Variants in CFTR observed in about 807,000 individuals in gnomAD.
The protein encoded by CFTR is cystic fibrosis transmembrane conductance regulator.
In CFTR, 181 loss-of-function variants were observed where a neutral mutation model predicts 171.6. That is an observed-to-expected ratio of 1.05 (90% CI 0.93 to 1.19). CFTR has a LOEUF of 1.19. Ranked by LOEUF, CFTR falls within the 50% of genes most tolerant of loss-of-function variation. The probability of loss-of-function intolerance (pLI) is 0.00; values close to 1 mark genes in which losing one functional copy is unlikely to be tolerated. For missense variants in CFTR, 1,968 were observed against 1,734.7 expected, an observed-to-expected ratio of 1.13 and a Z score of -2.39; for synonymous variants, 583 against 608.0, an observed-to-expected ratio of 0.96 and a Z score of 0.60.
intron 15 of CFTR, among the ~76,000 whole-genome samples, chr7:117,600,030 A>G (rs1792198860): frequency 6.6e-6 from 1 of 152,012 alleles, no homozygotes; most frequent in Non-Finnish European, 1.5e-5. Context: ...TAAGGGTCAT[A>G]TTTCAATTTA....
At chr7:117,649,593 GTGC>G (rs1793057959) in intron 23 of CFTR, among the ~76,000 whole-genome samples, 1 of 150,256 alleles carries the variant, frequency 6.7e-6, no homozygotes, top group African/African-American at 2.4e-5. Context: ...AAAACAACAT[GTGC>G]TGAACTCTGA....
intron 3 of CFTR, among the ~76,000 whole-genome samples, chr7:117,529,725 A>T (rs1255173296): frequency 3.9e-5 from 6 of 152,068 alleles, no homozygotes; most frequent in Admixed American, 6.6e-5. Context: ...ATGGGGCTGG[A>T]GGTATTGGAT....
intron 20 of CFTR, among the ~76,000 whole-genome samples, chr7:117,612,027 A>ATATATATATATATATG (rs1792404472): frequency 3.0e-5 from 2 of 66,006 alleles, no homozygotes; most frequent in African/African-American, 7.9e-5. Context: ...ATATATGTAT[A>ATATATATATATATATG]TATATATATA....
intron 14 of CFTR, 104 bp from the exon 15 acceptor site, chr7:117,594,826 T>G: frequency 9.8e-7 from 1 of 1,021,866 alleles, no homozygotes. Flanking sequence ...TACACTTAGA[T>G]TCAAGTAATA....
At position 117,596,683 on chromosome 7, in the gene CFTR, C is replaced by T. The variant is rs991967058; in HGVS notation, c.2619+1625C>T. Among the ~76,000 whole-genome samples the T allele has an allele frequency of 5.9e-5, 9 of 152,302 alleles. No individual in the cohort carries two copies. The East Asian group carries it at 1.2e-3, about 20-fold the overall frequency. On this transcript the variant is annotated intron_variant, in intron 15 of 26. Transcript: ENST00000003084. ...GTTTGTAAACACACCAATCAGCACC[C>T]TGTGTCTAGCTCAGGGTTTGTGAAT... is the stretch of plus-strand genomic sequence containing the variant.
intron 12 of CFTR, 138 bp downstream of exon 12, chr7:117,587,971 A>G (rs1399203110): frequency 1.5e-6 from 1 of 666,386 alleles, no homozygotes; most frequent in East Asian, 2.8e-5. Flanking sequence ...TAGTGGGTTA[A>G]GAATCACATT....
chr7:117,641,508 T>G (rs1232689010), intron 22 of CFTR, among the ~76,000 whole-genome samples: 1 of 152,154 alleles, frequency 6.6e-6, no homozygotes, highest in Non-Finnish European at 1.5e-5. Flanking sequence ...CCAAATGACT[T>G]AAAAACAAAT....
intron 1 of CFTR, among the ~76,000 whole-genome samples, chr7:117,486,094 C>T (rs1798070056): frequency 6.6e-6 from 1 of 152,124 alleles, no homozygotes; most frequent in African/African-American, 2.4e-5. Flanking sequence ...GTCCCTTCTG[C>T]CTTAGCCTTT....
At chr7:117,644,311 C>A (rs897667774) in intron 23 of CFTR, among the ~76,000 whole-genome samples, 2 of 151,920 alleles carry the variant, frequency 1.3e-5, no homozygotes, top group Admixed American at 6.6e-5. Context: ...CAAAAGAGGG[C>A]AAACTTCTCA....
chr7:117,656,382 G>C (rs1793183959), intron 24 of CFTR, among the ~76,000 whole-genome samples: 1 of 152,140 alleles, frequency 6.6e-6, no homozygotes, highest in African/African-American at 2.4e-5. Context: ...TTGGGTATGT[G>C]GCTGTGAGCA....
At chr7:117,595,897 A>G (rs1792114389) in intron 15 of CFTR, among the ~76,000 whole-genome samples, 1 of 152,172 alleles carries the variant, frequency 6.6e-6, no homozygotes, top group Non-Finnish European at 1.5e-5. Context: ...AAATAAATAA[A>G]TAAGTAAATA....
chr7:117,583,316 C>T (rs753523559), intron 11 of CFTR, among the ~76,000 whole-genome samples: 14 of 145,890 alleles, frequency 9.6e-5, no homozygotes, highest in Non-Finnish European at 2.1e-4. Context: ...GTCTTTTATC[C>T]CCCCCCCGCT....
chr7:117,588,179 T>C (rs903429926), intron 12 of CFTR, among the ~76,000 whole-genome samples: 1 of 152,100 alleles, frequency 6.6e-6, no homozygotes, highest in Non-Finnish European at 1.5e-5. Flanking sequence ...ACCCTGCCAC[T>C]CCAATGTACA....
rs760455218 is a variant in CFTR, at chr7:117,642,589, C to T, written c.3869C>T (p.Pro1290Leu). Residue 1290 changes from proline to leucine, a missense_variant, in exon 23 of 27, where the codon CCA (proline) becomes CTA (leucine). Physicochemically the swap from Pro to Leu is moderately conservative, Grantham distance 98 (BLOSUM62 -3). Transcript: ENST00000003084. The stretch of plus-strand genomic sequence containing the variant: ...TGGAGGAAAGCCTTTGGAGTGATAC[C>T]ACAGGTGAGCAAAAGGACTTAGCCA... ...QQWRKAFGVIPQKVFIFSGTF... is the reference protein window; with the variant it reads ...QQWRKAFGVILQKVFIFSGTF... 5.0e-6 allele frequency: 8 copies of T among 1,613,206 alleles called. No homozygotes were observed. Among genetic ancestry groups the T allele is most frequent in the Non-Finnish European group, 8.5e-7 (1 of 1,179,530 alleles).
chr7:117,577,990 A>G (rs1413504994), intron 11 of CFTR, among the ~76,000 whole-genome samples: 1 of 152,152 alleles, frequency 6.6e-6, no homozygotes, highest in African/African-American at 2.4e-5. Context: ...ATCAAGCTCT[A>G]TGAATACATT....
chr7:117,501,747 C>CAAAAAAAAAAAAAAAAAAAAAAAAAAAA (rs1212853305), intron 1 of CFTR, among the ~76,000 whole-genome samples: 32 of 43,894 alleles, frequency 7.3e-4, no homozygotes, highest in East Asian at 1.3e-3. Flanking sequence ...AACTCTGTCT[C>CAAAAAAAAAAAAAAAAAAAAAAAAAAAA]AAAAAAAAAA....
rs1421684452 is a variant in CFTR, at chr7:117,548,723, G to A, written c.1292G>A (p.Ser431Asn). The change falls in exon 10 of 27, where the codon AGT becomes AAT. Residue 431 changes from serine to asparagine, a missense_variant. Transcript: ENST00000003084. ...AATGGTGATGACAGCCTCTTCTTCA[G>A]TAATTTCTCACTTCTTGGTACTCCT... ...TSNGDDSLFF[S>N]NFSLLGTPVL... is the part of the protein sequence containing the mutation. 6.2e-7 allele frequency: 1 copy of A among 1,613,204 alleles called. No homozygotes were observed. Among genetic ancestry groups the A allele is most frequent in the African/African-American group, 1.3e-5 (1 of 74,892 alleles).
chr7:117,618,959 T>A (rs1792533399), intron 21 of CFTR, among the ~76,000 whole-genome samples: 1 of 152,206 alleles, frequency 6.6e-6, no homozygotes, highest in Non-Finnish European at 1.5e-5. Context: ...GTTTTAAAGA[T>A]TGTTTATTTC....
chr7:117,612,729 C>G (rs887869779), intron 20 of CFTR, among the ~76,000 whole-genome samples: 1 of 152,028 alleles, frequency 6.6e-6, no homozygotes, highest in Non-Finnish European at 1.5e-5. Flanking sequence ...TGGTGCCATT[C>G]GACTCTTAAA....
Sources: allele counts gnomAD v4.1 joint callset (sites outside exome capture counted in the v4.1 genomes callset), GRCh38; gene constraint gnomAD v4.1.1; transcripts MANE v1.5; gene names NCBI Gene and HGNC (gene_info 2026-07-23, HGNC 2026-07-21).